The following PRKDC variants were observed in gnomAD, a reference collection of about 807,000 sequenced individuals.
PRKDC encodes the protein DNA-dependent protein kinase catalytic subunit.
In PRKDC, 82 loss-of-function variants were observed where a neutral mutation model predicts 486.9. The ratio of observed to expected loss-of-function variants is 0.17; its 90% CI spans 0.14 to 0.20. The LOEUF (loss-of-function observed/expected upper bound fraction) is 0.20, where lower values mean the gene tolerates loss of function less well. Among genes scored for constraint, PRKDC ranks in the 10% least tolerant of loss-of-function variants. The pLI, the probability that PRKDC is intolerant of heterozygous loss-of-function variation, is 1.00. For missense variants in PRKDC, 4,504 were observed against 5,038.2 expected (o/e 0.89, Z 3.21); for synonymous variants, 1,895 against 1,837.0 (o/e 1.03, Z -0.81).
At chr8:47,778,953 T>C (rs941239206) in intron 81 of PRKDC, 51 bp downstream of exon 81, 2 of 1,474,654 alleles carry the variant, frequency 1.4e-6, no homozygotes, top group African/African-American at 1.4e-5. Flanking sequence ...AACATGCAAT[T>C]TGCAGAAGAA....
At chr8:47,838,619 CATA>C (rs2088077458) in intron 56 of PRKDC, among the ~76,000 whole-genome samples, 1 of 152,062 alleles carries the variant, frequency 6.6e-6, no homozygotes, top group Admixed American at 6.6e-5. Context: ...CTCTAAAAAA[CATA>C]ATAATAATAA....
Position 47,831,698 on chromosome 8 carries a change from C to A in PRKDC, c.8265+116G>T, listed in dbSNP as rs763893627. On this transcript the variant is annotated intron_variant, in intron 60 of 85. Transcript: ENST00000314191. Reference sequence around the variant, plus strand: ...AGGAGGCTGGTTTGGAGCAGTCCCGCAACCTGGTTTGCAGGTGACATTGGA... The same window carrying A: ...AGGAGGCTGGTTTGGAGCAGTCCCGAAACCTGGTTTGCAGGTGACATTGGA... 12 of 1,149,368 alleles carry A rather than the reference C, an allele frequency of 1.0e-5. No homozygotes were observed. In the East Asian group the frequency reaches 2.2e-4, roughly 21 times the overall value. The allele number at this position is 1,149,368 out of a possible 1,614,324, so 71.2% of individuals were successfully genotyped here.
At chr8:47,882,187 G>T in intron 36 of PRKDC, 90 bp from the exon 37 acceptor site, 1 of 1,221,078 alleles carries the variant, frequency 8.2e-7, no homozygotes, top group Non-Finnish European at 1.2e-6. Flanking sequence ...GCTATTCTTG[G>T]AAAATAAATA....
intron 56 of PRKDC, 77 bp from the exon 57 acceptor site, chr8:47,837,496 T>C: frequency 1.7e-6 from 2 of 1,168,754 alleles, no homozygotes; most frequent in South Asian, 2.8e-5. Flanking sequence ...GGGTGTCCTG[T>C]GGAGAAGGCA....
Position 47,803,406 on chromosome 8 carries a change from C to T in PRKDC, c.9822G>A (p.Val3274=). ...KESKTRDDWL[V]SWVQSYCRLS... ...GGCGGCAGTAGCTCTGCACCCAGCT[C>T]ACCAGCCAATCGTCTCTGGTTTTTG... Residue 3274 remains valine (V), a synonymous_variant, in exon 70 of 86, where the codon GTG becomes GTA. Transcript: ENST00000314191. 1 of 1,614,038 alleles carries T rather than the reference C, an allele frequency of 6.2e-7. No homozygotes were observed. The highest frequency in any genetic ancestry group is 8.5e-7 in the Non-Finnish European group (1 of 1,179,898).
At chr8:47,802,241 T>C (rs932753808) in intron 70 of PRKDC, among the ~76,000 whole-genome samples, 3 of 152,012 alleles carry the variant, frequency 2.0e-5, no homozygotes, top group African/African-American at 7.2e-5. Flanking sequence ...CACATCCAAC[T>C]AGGATGATCT....
intron 74 of PRKDC, among the ~76,000 whole-genome samples, chr8:47,794,079 C>T (rs1479641329): frequency 6.6e-6 from 1 of 152,138 alleles, no homozygotes; most frequent in Non-Finnish European, 1.5e-5. Flanking sequence ...GTTTTGTTAG[C>T]AGTGTAAGAT....
chr8:47,862,991 A>C (rs2088712647), intron 42 of PRKDC, among the ~76,000 whole-genome samples: 1 of 152,230 alleles, frequency 6.6e-6, no homozygotes, highest in African/African-American at 2.4e-5. Context: ...GTTTTAGAGA[A>C]AATACATTTG....
intron 11 of PRKDC, among the ~76,000 whole-genome samples, chr8:47,937,083 G>A (rs1382546574): frequency 1.8e-4 from 26 of 145,390 alleles, no homozygotes; most frequent in South Asian, 6.7e-4. Flanking sequence ...GTGAAACCCC[G>A]TCTCTACTTA....
intron 21 of PRKDC, 43 bp from the exon 22 acceptor site, chr8:47,918,426 C>A: frequency 1.6e-6 from 2 of 1,222,624 alleles, no homozygotes; most frequent in Non-Finnish European, 2.2e-6. Flanking sequence ...AGCACTCATT[C>A]ATTCATTTAA....
At chr8:47,820,204 G>A (rs1172868687) in intron 66 of PRKDC, among the ~76,000 whole-genome samples, 1 of 152,040 alleles carries the variant, frequency 6.6e-6, no homozygotes, top group Non-Finnish European at 1.5e-5. Flanking sequence ...CCTGACGTCA[G>A]GAGTTCAAGA....
chr8:47,881,967 T>C lies in PRKDC; in HGVS notation c.4907A>G (p.Asp1636Gly), dbSNP rs768811819. ...TGCCATTTTAGTTTCGAGAGGGGAATCTTTGGCCCACCATGAATCACACTT... is the reference window on the plus strand; with the variant it reads ...TGCCATTTTAGTTTCGAGAGGGGAACCTTTGGCCCACCATGAATCACACTT... ...WKKCDSWWAK[D>G]SPLETKMAVL... is the part of the protein sequence containing the mutation. Residue 1636 changes from aspartate (D) to glycine (G), a missense_variant, in exon 37 of 86, where the codon GAT (aspartate) becomes GGT (glycine). By Grantham distance (94) the Asp-to-Gly change is moderately conservative. This residue lies in a region of PRKDC where 1,969 missense variants were observed against 2,068.9 expected (regional missense o/e 0.95). Transcript: ENST00000314191. 1.3e-5 allele frequency: 21 copies of C among 1,613,916 alleles called. No individual in the cohort carries two copies. The South Asian group carries it at 1.5e-4, about 12-fold the overall frequency.
chr8:47,821,925 A>C, intron 64 of PRKDC, 133 bp from the exon 65 acceptor site: 1 of 884,658 alleles, frequency 1.1e-6, no homozygotes, highest in Non-Finnish European at 1.7e-6. Flanking sequence ...GAGAGAAAAG[A>C]GAAGCTATTC....
At position 47,886,058 on chromosome 8, in the gene PRKDC, G is replaced by A. The variant is rs1482324384; in HGVS notation, c.4662C>T (p.Ser1554=). Residue 1554 remains serine, a synonymous_variant, in exon 36 of 86, where the codon TCC becomes TCT. Transcript: ENST00000314191. ...ACAAGCTATAGAAATACTCCCCATG[G>A]GAGAAGTGGATGACGCTGCCCTGTG... ...GSSQGSVIHF[S]HGEYFYSLFS... is the part of the protein sequence containing the mutation. 2 of 1,613,732 alleles carry A rather than the reference G, an allele frequency of 1.2e-6. No individual in the cohort carries two copies. Among genetic ancestry groups the A allele is most frequent in the Non-Finnish European group, 8.5e-7 (1 of 1,179,890 alleles).
At chr8:47,905,957 G>A (rs1361915351) in intron 25 of PRKDC, among the ~76,000 whole-genome samples, 1 of 152,164 alleles carries the variant, frequency 6.6e-6, no homozygotes, top group Non-Finnish European at 1.5e-5. Context: ...TGGCCTGGTG[G>A]AGGTGTGACC....
Position 47,892,699 on chromosome 8 carries a change from C to CA in PRKDC, c.3847+439dup, listed in dbSNP as rs1001269186. ...GATAGGGATATAGTAAAATCTTAAG[C>CA]AAAAAAAACTTAATACTTTAGGATA... On this transcript the variant is annotated intron_variant, in intron 31 of 85. Transcript: ENST00000314191. Among the ~76,000 whole-genome samples, 16 of 151,126 alleles carry CA rather than the reference C, an allele frequency of 1.1e-4. No individual in the cohort carries two copies. The East Asian group carries it at 1.7e-3, about 16-fold the overall frequency.
chr8:47,850,908 C>G (rs1292268036), intron 52 of PRKDC, among the ~76,000 whole-genome samples: 1 of 152,182 alleles, frequency 6.6e-6, no homozygotes, highest in East Asian at 1.9e-4. Flanking sequence ...CTCCCAGGTT[C>G]AAGGGATTCT....
In PRKDC at chr8:47,890,494, T is replaced by C. The variant is rs749113047; in HGVS notation, c.3848-14A>G. ...GGGCTTCAGTACCTAGAAGCAATTA[T>C]ATTAAAGTATTAATATATGCTTCCT... is the stretch of plus-strand genomic sequence containing the variant. On this transcript the variant is annotated splice_polypyrimidine_tract_variant and intron_variant, in intron 31 of 85. Transcript: ENST00000314191. The C allele has an allele frequency of 4.0e-6, 6 of 1,504,892 alleles. No homozygotes were observed. The highest frequency in any genetic ancestry group is 2.7e-6 in the Non-Finnish European group (3 of 1,109,168). The allele number at this position is 1,504,892 out of a possible 1,614,324, so 93.2% of individuals were successfully genotyped here.
chr8:47,790,330 C>T (rs540685481), intron 74 of PRKDC, among the ~76,000 whole-genome samples: 110 of 152,218 alleles, frequency 7.2e-4, no homozygotes, highest in African/African-American at 2.6e-3. Flanking sequence ...AAAGAAAATA[C>T]TTAGGAATAA....
Sources: allele counts gnomAD v4.1 joint callset (sites outside exome capture counted in the v4.1 genomes callset), GRCh38; gene constraint gnomAD v4.1.1; regional missense constraint gnomAD v4.1.1; transcripts MANE v1.5; gene names NCBI Gene and HGNC (gene_info 2026-07-23, HGNC 2026-07-21).